The following TBL1XR1 variants were observed in gnomAD, a reference collection of about 807,000 sequenced individuals.
TBL1XR1 encodes the protein TBL1X/Y related 1.
In TBL1XR1, 5 loss-of-function variants were observed where a neutral mutation model predicts 66.9. The observed-to-expected ratio is 0.07, with a 90% CI of 0.04 to 0.16. The LOEUF (loss-of-function observed/expected upper bound fraction) is 0.16, where lower values mean the gene tolerates loss of function less well. TBL1XR1 is among the 10% of genes least tolerant of loss of function. The probability of loss-of-function intolerance (pLI) is 1.00; values close to 1 mark genes in which losing one functional copy is unlikely to be tolerated. For synonymous variants in TBL1XR1, 210 were observed against 206.0 expected, an observed-to-expected ratio of 1.02 and a Z score of -0.17; for missense variants, 238 against 623.2, an observed-to-expected ratio of 0.38 and a Z score of 6.58.
At chr3:177,099,196 G>GT (rs1723880215) in intron 1 of TBL1XR1, among the ~76,000 whole-genome samples, 1 of 152,068 alleles carries the variant, frequency 6.6e-6, no homozygotes, top group Non-Finnish European at 1.5e-5. Flanking sequence ...GAGACACCCT[G>GT]TCTCTACTAA....
At chr3:177,111,695 C>A (rs957429452) in intron 1 of TBL1XR1, among the ~76,000 whole-genome samples, 7 of 152,138 alleles carry the variant, frequency 4.6e-5, no homozygotes, top group African/African-American at 1.7e-4. Flanking sequence ...CCTTCCCAAA[C>A]CAGGTGCAGT....
At chr3:177,149,816 A>G (rs1397700535) in intron 1 of TBL1XR1, among the ~76,000 whole-genome samples, 1 of 152,238 alleles carries the variant, frequency 6.6e-6, no homozygotes, top group Non-Finnish European at 1.5e-5. Flanking sequence ...ATTCATTTAC[A>G]TACTATCCAT....
chr3:177,053,116 A>G (rs1717323436), intron 4 of TBL1XR1, among the ~76,000 whole-genome samples: 1 of 152,200 alleles, frequency 6.6e-6, no homozygotes, highest in African/African-American at 2.4e-5. Flanking sequence ...AAAACAAAAC[A>G]AAACAAAAAA....
intron 1 of TBL1XR1, among the ~76,000 whole-genome samples, chr3:177,107,649 C>A (rs1270836242): frequency 6.6e-6 from 1 of 152,114 alleles, no homozygotes; most frequent in Non-Finnish European, 1.5e-5. Flanking sequence ...TCTGCCTGAC[C>A]CATTCAAGGA....
rs1027271762 is a variant in TBL1XR1, at chr3:177,038,488, A to G, written c.926-54T>C. ...TTTATTCCACATGTACTAAAATCCAAGAGTTTTAGCTTTGAACCATTGTTG... is the reference window on the plus strand; with the variant it reads ...TTTATTCCACATGTACTAAAATCCAGGAGTTTTAGCTTTGAACCATTGTTG... On this transcript the variant is annotated intron_variant, in intron 10 of 15. Transcript: ENST00000457928. 57 of 1,429,438 alleles carry G rather than the reference A, an allele frequency of 4.0e-5. No individual in the cohort carries two copies. In the Middle Eastern group the frequency reaches 5.5e-4, roughly 14 times the overall value. 88.5% of individuals were successfully genotyped at this position (1,429,438 alleles called of 1,614,324 possible).
At chr3:177,155,618 A>G (rs762496279) in intron 1 of TBL1XR1, among the ~76,000 whole-genome samples, 1 of 152,264 alleles carries the variant, frequency 6.6e-6, no homozygotes, top group African/African-American at 2.4e-5. Flanking sequence ...AAAAGGAGAA[A>G]GATAGTTTTT....
At chr3:177,027,571 C>T (rs796839590) in intron 14 of TBL1XR1, 14 of 152,280 alleles carry the variant, frequency 9.2e-5, no homozygotes, top group African/African-American at 3.1e-4. Context: ...GTGACCTCTG[C>T]AGCTTTATGG....
intron 1 of TBL1XR1, chr3:177,163,886 T>C (rs190180598): frequency 6.6e-6 from 1 of 152,316 alleles, no homozygotes; most frequent in African/African-American, 2.4e-5. Context: ...ACGCAAAATG[T>C]ATCAATAGTT....
upstream of TBL1XR1, among the ~76,000 whole-genome samples, chr3:177,198,364 C>T (rs1392128404): frequency 1.3e-5 from 2 of 152,132 alleles, no homozygotes; most frequent in Admixed American, 6.6e-5. Flanking sequence ...TCTTATTTCA[C>T]AAAAATAAAA....
intron 3 of TBL1XR1, among the ~76,000 whole-genome samples, chr3:177,055,081 C>T (rs1304600012): frequency 6.6e-6 from 1 of 152,062 alleles, no homozygotes; most frequent in Non-Finnish European, 1.5e-5. Context: ...TTATACTAAA[C>T]AAAGGAAATA....
chr3:177,134,675 T>C (rs760225555), intron 1 of TBL1XR1, among the ~76,000 whole-genome samples: 11 of 152,130 alleles, frequency 7.2e-5, no homozygotes, highest in Admixed American at 3.9e-4. Context: ...CCTTAAAATT[T>C]TTAAATACGG....
At chr3:177,085,756 A>G (rs944308118) in intron 2 of TBL1XR1, among the ~76,000 whole-genome samples, 5 of 152,120 alleles carry the variant, frequency 3.3e-5, no homozygotes, top group African/African-American at 7.2e-5. Context: ...AAAATAACAA[A>G]TATCTTTAGC....
At chr3:177,160,171 C>T (rs1047485921) in intron 1 of TBL1XR1, among the ~76,000 whole-genome samples, 2 of 151,980 alleles carry the variant, frequency 1.3e-5, no homozygotes, top group African/African-American at 4.8e-5. Flanking sequence ...GCTTTGCAAA[C>T]CATGTAAGTA....
chr3:177,059,689 T>C (rs192552436), intron 3 of TBL1XR1, among the ~76,000 whole-genome samples: 1 of 152,294 alleles, frequency 6.6e-6, no homozygotes, highest in Non-Finnish European at 1.5e-5. Flanking sequence ...TTATCCTTCT[T>C]ATATATCATC....
intron 3 of TBL1XR1, among the ~76,000 whole-genome samples, chr3:177,059,745 TG>T (rs1307581585): frequency 3.3e-5 from 5 of 152,176 alleles, no homozygotes; most frequent in Non-Finnish European, 7.4e-5. Flanking sequence ...TACAAAGTAT[TG>T]TTCCTGGATA....
upstream of TBL1XR1, among the ~76,000 whole-genome samples, chr3:177,197,832 C>G (rs9784307): frequency 0.035 from 5,132 of 145,934 alleles, 298 homozygotes; most frequent in African/African-American, 0.12. Flanking sequence ...GAAGGCGCCT[C>G]GGGGCCCCGG....
intron 1 of TBL1XR1, among the ~76,000 whole-genome samples, chr3:177,189,933 C>T (rs1286413041): frequency 2.6e-5 from 4 of 151,906 alleles, no homozygotes; most frequent in Admixed American, 2.6e-4. Context: ...CTTAGGTACA[C>T]TACTAAGGAA....
chr3:177,025,262 G>T lies in TBL1XR1; in HGVS notation c.*236C>A. 2.4e-6 allele frequency: 1 copy of T among 420,714 alleles called. No homozygotes were observed. Among genetic ancestry groups the T allele is most frequent in the Non-Finnish European group, 4.2e-6 (1 of 238,210 alleles). 26.1% of individuals were successfully genotyped at this position (420,714 alleles called of 1,614,324 possible). A position where few individuals can be genotyped will look rare whatever the true frequency, so the allele number is the denominator to read the frequency against. The stretch of plus-strand genomic sequence containing the variant: ...CCAAAACTTCTAAATGCTATTTTAG[G>T]GGCACAGCAGATTAGATTCCAGCAC... On this transcript the variant is annotated 3_prime_UTR_variant, in exon 16 of 16. Transcript: ENST00000457928.
intron 10 of TBL1XR1, among the ~76,000 whole-genome samples, chr3:177,043,179 C>T (rs901646126): frequency 1.3e-5 from 2 of 152,070 alleles, no homozygotes; most frequent in Admixed American, 6.6e-5. Flanking sequence ...GTCAAGTTAT[C>T]GGATAATCTT....
Sources: allele counts gnomAD v4.1 joint callset (sites outside exome capture counted in the v4.1 genomes callset), GRCh38; gene constraint gnomAD v4.1.1; transcripts MANE v1.5; gene names NCBI Gene and HGNC (gene_info 2026-07-23, HGNC 2026-07-21).